Variants in TRMT11 observed in about 807,000 individuals in gnomAD.
TRMT11 encodes the protein tRNA methyltransferase 11.
In TRMT11, 53 loss-of-function variants were observed where a neutral mutation model predicts 62.8. That is an observed-to-expected ratio of 0.84 (90% CI 0.68 to 1.06). The LOEUF is 1.06. Among genes scored for constraint, TRMT11 ranks in the 50% least tolerant of loss-of-function variants. The pLI, the probability that TRMT11 is intolerant of heterozygous loss-of-function variation, is 0.00. For synonymous variants in TRMT11, 188 were observed against 190.3 expected (o/e 0.99, Z 0.10); for missense variants, 556 against 553.4 (o/e 1.00, Z -0.05).
chr6:126,066,728 T>C (rs1776702965), intron 17 of TRMT11, among the ~76,000 whole-genome samples: 2 of 152,104 alleles, frequency 1.3e-5, no homozygotes, highest in Admixed American at 1.3e-4. Context: ...TTGTAAGCCC[T>C]AGGTGAATTG....
chr6:126,162,248 G>GTA (rs1191545461), intron 21 of TRMT11, among the ~76,000 whole-genome samples: 1 of 152,084 alleles, frequency 6.6e-6, no homozygotes, highest in Non-Finnish European at 1.5e-5. Flanking sequence ...TAAGGTGTAA[G>GTA]TAAAGGGTCC....
At chr6:126,130,688 A>C (rs982906813) in intron 21 of TRMT11, among the ~76,000 whole-genome samples, 8 of 152,142 alleles carry the variant, frequency 5.3e-5, no homozygotes, top group African/African-American at 1.9e-4. Flanking sequence ...GCATATGATT[A>C]TGAGATGGTG....
the TRMT11 span, among the ~76,000 whole-genome samples, chr6:126,264,875 C>A: frequency 2.6e-5 from 4 of 152,034 alleles, no homozygotes; most frequent in South Asian, 8.3e-4. Context: ...GTCATATAAT[C>A]CCATTCTTTT....
At chr6:126,034,330 A>G (rs78765891) in intron 12 of TRMT11, among the ~76,000 whole-genome samples, 8 of 152,168 alleles carry the variant, frequency 5.3e-5, no homozygotes, top group Admixed American at 4.6e-4. Flanking sequence ...GTAATAACAC[A>G]TAGTTTGGTA....
At chr6:126,227,306 A>G in the TRMT11 span, among the ~76,000 whole-genome samples, 2 of 152,028 alleles carry the variant, frequency 1.3e-5, no homozygotes, top group African/African-American at 4.8e-5. Flanking sequence ...TGGGGAGAAG[A>G]CTCCATAGAG....
the TRMT11 span, among the ~76,000 whole-genome samples, chr6:126,260,411 G>A: frequency 5.3e-5 from 8 of 152,024 alleles, no homozygotes; most frequent in African/African-American, 7.2e-5. Context: ...TGTTGTTGTC[G>A]TTGACCACTT....
intron 17 of TRMT11, among the ~76,000 whole-genome samples, chr6:126,088,274 G>A (rs985392682): frequency 5.9e-5 from 9 of 152,030 alleles, no homozygotes; most frequent in Non-Finnish European, 7.4e-5. Context: ...GACTGTGACC[G>A]TCTTCATCAT....
chr6:126,031,985 G>A (rs1419186478), intron 12 of TRMT11, among the ~76,000 whole-genome samples: 1 of 152,126 alleles, frequency 6.6e-6, no homozygotes, highest in Non-Finnish European at 1.5e-5. Context: ...ATTTTGCGGG[G>A]AGGTAGATAT....
intron 17 of TRMT11, among the ~76,000 whole-genome samples, chr6:126,068,820 TTC>T (rs1324206557): frequency 6.6e-6 from 1 of 152,218 alleles, no homozygotes; most frequent in Admixed American, 6.5e-5. Context: ...CTTTTTTTCT[TTC>T]TGTTTTTTAC....
intron 21 of TRMT11, among the ~76,000 whole-genome samples, chr6:126,130,233 A>G (rs1456447090): frequency 6.6e-6 from 1 of 152,102 alleles, no homozygotes. Context: ...TGAAGAGAAC[A>G]ACAGCGGGGT....
intron 7 of TRMT11, among the ~76,000 whole-genome samples, chr6:126,000,425 T>C (rs1280885160): frequency 6.6e-6 from 1 of 152,182 alleles, no homozygotes; most frequent in African/African-American, 2.4e-5. Flanking sequence ...GGTACTATGC[T>C]ATGCATTCTG....
At chr6:126,139,164 T>G (rs1474905556) in intron 21 of TRMT11, among the ~76,000 whole-genome samples, 5 of 151,956 alleles carry the variant, frequency 3.3e-5, no homozygotes, top group Admixed American at 3.3e-4. Context: ...TAGCTGAAAC[T>G]ATTTTTTGCA....
intron 17 of TRMT11, among the ~76,000 whole-genome samples, chr6:126,069,517 A>T (rs1776787276): frequency 6.6e-6 from 1 of 152,204 alleles, no homozygotes; most frequent in African/African-American, 2.4e-5. Flanking sequence ...TCTCAAACAA[A>T]ACAACAAAAC....
chr6:126,271,511 T>C, the TRMT11 span, among the ~76,000 whole-genome samples: 1 of 151,884 alleles, frequency 6.6e-6, no homozygotes, highest in Non-Finnish European at 1.5e-5. Flanking sequence ...ATATGACTTA[T>C]GTTTGAAAGT....
At chr6:126,172,274 C>T (rs1359071295), upstream of TRMT11, among the ~76,000 whole-genome samples, 1 of 152,046 alleles carries the variant, frequency 6.6e-6, no homozygotes, top group African/African-American at 2.4e-5. Context: ...TGAGGTGTCA[C>T]ATCGACAAAG....
chr6:126,126,353 A>G (rs1777718867), intron 21 of TRMT11, among the ~76,000 whole-genome samples: 1 of 152,162 alleles, frequency 6.6e-6, no homozygotes, highest in African/African-American at 2.4e-5. Flanking sequence ...TTGAAAACTA[A>G]ATGAAGTAAC....
At chr6:126,143,979 A>G (rs551254678) in intron 21 of TRMT11, among the ~76,000 whole-genome samples, 1 of 152,330 alleles carries the variant, frequency 6.6e-6, no homozygotes, top group South Asian at 2.1e-4. Context: ...CAACAAAGCA[A>G]TTGAGGTAGA....
the TRMT11 span, among the ~76,000 whole-genome samples, chr6:126,271,468 C>A: frequency 2.1e-5 from 3 of 145,570 alleles, no homozygotes; most frequent in South Asian, 4.4e-4. Flanking sequence ...CTATCTTATT[C>A]TTATTTCCCA....
chr6:126,044,392 C>G (rs1775984625), intron 16 of TRMT11, among the ~76,000 whole-genome samples: 1 of 152,154 alleles, frequency 6.6e-6, no homozygotes. Flanking sequence ...TCTGAGGGCT[C>G]TGTTCTGTTC....
Sources: gnomAD v4.1 joint callset for allele counts (sites outside exome capture counted in the v4.1 genomes callset) on GRCh38, gnomAD v4.1.1 for gene constraint, MANE v1.5 for transcripts, NCBI Gene and HGNC (gene_info 2026-07-23, HGNC 2026-07-21) for gene names.